Variants in CFAP92 observed in about 807,000 individuals in gnomAD.
The protein encoded by CFAP92 is uncharacterized protein CFAP92.
Under a neutral mutation model 106.3 loss-of-function variants are expected in CFAP92, and 86 were observed. The observed-to-expected ratio is 0.81, with a 90% CI of 0.68 to 0.97. The LOEUF (loss-of-function observed/expected upper bound fraction) is 0.97. Ranked by LOEUF, CFAP92 falls within the 50% of genes least tolerant of loss-of-function variation. CFAP92 has a pLI of 0.00. For missense variants in CFAP92, 1,204 were observed against 1,283.8 expected, an observed-to-expected ratio of 0.94 and a Z score of 0.95; for synonymous variants, 477 against 506.4, an observed-to-expected ratio of 0.94 and a Z score of 0.78.
intron 13 of CFAP92, chr3:128,915,840 G>T (rs1262682314): frequency 2.1e-6 from 1 of 477,900 alleles, no homozygotes; most frequent in Non-Finnish European, 3.6e-6. Context: ...ATCATAAAGT[G>T]TTCCCCAGAG....
chr3:128,933,047 A>G, intron 11 of CFAP92, 50 bp from the exon 12 acceptor site: 1 of 1,488,410 alleles, frequency 6.7e-7, no homozygotes, highest in South Asian at 1.2e-5. Flanking sequence ...CTTGCAAGAC[A>G]GGTGTAATCA....
rs187885262 is a variant in CFAP92 at position 128,976,994 on chromosome 3, T to C, written c.881A>G (p.Asp294Gly). 6,365 of 1,613,716 alleles carry C rather than the reference T, an allele frequency of 3.9e-3. 11 individuals carry two copies. Among genetic ancestry groups the C allele is most frequent in the Non-Finnish European group, 4.4e-3 (5,249 of 1,179,634 alleles). ...EEYEKSLKMD[D>G]SSTIQWSVSR... ...CAATCCTTACTGAATCGTGGAAGAATCGTCCATTTTGAGGGACTTCTCATA... is the reference window on the plus strand; with the variant it reads ...CAATCCTTACTGAATCGTGGAAGAACCGTCCATTTTGAGGGACTTCTCATA... The change falls in exon 6 of 16, where the codon GAT (aspartate) becomes GGT (glycine). Residue 294 changes from aspartate to glycine, a missense_variant. Transcript: ENST00000645291.
chr3:128,946,443 C>T (rs965921657), intron 9 of CFAP92, among the ~76,000 whole-genome samples: 5 of 152,166 alleles, frequency 3.3e-5, no homozygotes, highest in African/African-American at 1.2e-4. Context: ...GGGCAGGAGA[C>T]AGCCTCAGAG....
intron 4 of CFAP92, among the ~76,000 whole-genome samples, chr3:128,983,139 A>G (rs777076974): frequency 1.8e-4 from 27 of 152,344 alleles, no homozygotes; most frequent in Non-Finnish European, 2.2e-4. Context: ...AGGTATGCCT[A>G]TAAGTGACAC....
At chr3:128,966,492 G>A (rs1387736875) in intron 8 of CFAP92, 6 of 151,806 alleles carry the variant, frequency 4.0e-5, no homozygotes, top group Non-Finnish European at 5.9e-5. Flanking sequence ...GCACTAGTGC[G>A]CCTCGCAAAA....
chr3:128,976,078 T>C (rs1266624322), intron 6 of CFAP92, among the ~76,000 whole-genome samples, 175 bp from the exon 7 acceptor site: 1 of 152,212 alleles, frequency 6.6e-6, no homozygotes. Context: ...CTAGGGATTT[T>C]GTCAAATAAA....
chr3:128,958,734 C>G (rs1156584669), intron 9 of CFAP92, among the ~76,000 whole-genome samples: 1 of 152,000 alleles, frequency 6.6e-6, no homozygotes, highest in Non-Finnish European at 1.5e-5. Context: ...AACCCTGTCT[C>G]TACAAAAAAT....
chr3:128,910,170 C>G lies in CFAP92; in HGVS notation c.*129G>C. The stretch of plus-strand genomic sequence containing the variant: ...ACGAGGTGAGCCCAGCCCAGCCTCA[C>G]ACAGGGCCTGGCTGCTGCCATCTGT... On this transcript the variant is annotated 3_prime_UTR_variant, in exon 16 of 16. Transcript: ENST00000645291. The G allele has an allele frequency of 6.2e-7, 1 of 1,613,938 alleles. No individual in the cohort carries two copies. The highest frequency in any genetic ancestry group is 1.1e-5 in the South Asian group (1 of 91,074).
chr3:128,983,106 A>T (rs1224393871), intron 4 of CFAP92, among the ~76,000 whole-genome samples: 1 of 152,250 alleles, frequency 6.6e-6, no homozygotes. Flanking sequence ...GTGAAGCCCA[A>T]TAAGGCAAAG....
chr3:129,014,152 G>A, the CFAP92 span, among the ~76,000 whole-genome samples: 1 of 152,212 alleles, frequency 6.6e-6, no homozygotes, highest in Non-Finnish European at 1.5e-5. This position sits in a 1 kb window ranked among gnomAD's most constrained non-coding sequence, Gnocchi z 4.3. Context: ...GCCTAGAGAG[G>A]GCCCATGCTG....
At chr3:128,952,655 C>T (rs980502774) in intron 9 of CFAP92, among the ~76,000 whole-genome samples, 4 of 152,122 alleles carry the variant, frequency 2.6e-5, no homozygotes, top group Non-Finnish European at 5.9e-5. Context: ...GTGGTGCATG[C>T]CTTTAGTCCC....
intron 12 of CFAP92, among the ~76,000 whole-genome samples, chr3:128,929,928 T>C (rs990229659): frequency 2.6e-5 from 4 of 152,224 alleles, no homozygotes; most frequent in African/African-American, 4.8e-5. Context: ...ATGTAAATTA[T>C]ATCTCAAGGT....
chr3:128,910,862 C>T, intron 15 of CFAP92: 2 of 1,594,234 alleles, frequency 1.3e-6, no homozygotes, highest in Admixed American at 1.7e-5. Context: ...CTTCTAGGCC[C>T]CTATTGATGG....
intron 4 of CFAP92, among the ~76,000 whole-genome samples, chr3:128,979,978 A>T (rs1211952979): frequency 2.0e-5 from 3 of 147,946 alleles, no homozygotes; most frequent in Non-Finnish European, 4.5e-5. Flanking sequence ...ATATAAAAGA[A>T]AAAAGAGAAA....
At chr3:128,949,937 C>T (rs537428574) in intron 9 of CFAP92, among the ~76,000 whole-genome samples, 4 of 152,316 alleles carry the variant, frequency 2.6e-5, no homozygotes, top group Non-Finnish European at 5.9e-5. Context: ...ATCCACCTGC[C>T]TCAGCCTCCC....
At chr3:128,964,782 C>T (rs1044003118) in intron 9 of CFAP92, among the ~76,000 whole-genome samples, 56 of 152,000 alleles carry the variant, frequency 3.7e-4, no homozygotes, top group South Asian at 1.2e-3. Flanking sequence ...TACCACAAGA[C>T]CTCCCTTCAG....
chr3:128,996,666 A>C (rs866194207), upstream of CFAP92, among the ~76,000 whole-genome samples: 2 of 152,226 alleles, frequency 1.3e-5, no homozygotes, highest in East Asian at 1.9e-4. Flanking sequence ...GTGTCAAACA[A>C]ACACTTGTTA....
intron 12 of CFAP92, among the ~76,000 whole-genome samples, chr3:128,921,501 C>A (rs1054193694): frequency 1.3e-5 from 2 of 152,208 alleles, no homozygotes; most frequent in Admixed American, 6.5e-5. Flanking sequence ...AGGTAACTTA[C>A]ATAAGGCTAA....
intron 5 of CFAP92, 145 bp downstream of exon 5, chr3:128,977,900 G>T: frequency 1.1e-6 from 1 of 882,154 alleles, no homozygotes; most frequent in Non-Finnish European, 1.8e-6. Flanking sequence ...CAATACAGCC[G>T]TGTGGCAGGG....
Sources: allele counts gnomAD v4.1 joint callset (sites outside exome capture counted in the v4.1 genomes callset), GRCh38; gene constraint gnomAD v4.1.1; non-coding constraint Gnocchi (gnomAD v3.1); transcripts MANE v1.5; gene names NCBI Gene and HGNC (gene_info 2026-07-23, HGNC 2026-07-21).